Variants in RYR1 observed in about 807,000 individuals in gnomAD.
The protein encoded by RYR1 is central core disease of muscle.
RYR1 carries 342 observed loss-of-function variants against 583.5 expected under a neutral mutation model. The ratio of observed to expected loss-of-function variants is 0.59; its 90% CI spans 0.54 to 0.64. The LOEUF is 0.64. RYR1 is among the 30% of genes least tolerant of loss of function. The probability of loss-of-function intolerance (pLI) is 0.00; values close to 1 mark genes in which losing one functional copy is unlikely to be tolerated. For synonymous variants in RYR1, 2,791 were observed against 2,822.5 expected, an observed-to-expected ratio of 0.99 and a Z score of 0.35; for missense variants, 6,032 against 6,917.2, an observed-to-expected ratio of 0.87 and a Z score of 4.54.
rs1568513112 is a variant in RYR1 at position 38,506,310 on chromosome 19, A to G, written c.8549A>G (p.Asp2850Gly). Residue 2850 changes from aspartate to glycine, a missense_variant, in exon 55 of 106, where the codon GAT becomes GGT. By Grantham distance (94) the Asp-to-Gly change is moderately conservative. This residue lies in a region of RYR1 where 1,493 missense variants were observed against 1,715.5 expected (regional missense o/e 0.87). Transcript: ENST00000359596. ...RKISQSAQTYDPREGYNPQPP... is the reference protein window; with the variant it reads ...RKISQSAQTYGPREGYNPQPP... ...TTCCCCTTGTCCTCTCAGACCTATG[A>G]TCCTCGAGAAGGCTACAACCCTCAG... is the stretch of plus-strand genomic sequence containing the variant. 6.2e-7 allele frequency: 1 copy of G among 1,613,796 alleles called. No individual in the cohort carries two copies. Among genetic ancestry groups the G allele is most frequent in the African/African-American group, 1.3e-5 (1 of 74,886 alleles).
intron 34 of RYR1, among the ~76,000 whole-genome samples, chr19:38,487,864 G>A (rs978491618): frequency 6.6e-6 from 1 of 152,124 alleles, no homozygotes; most frequent in African/African-American, 2.4e-5. Context: ...GAACTCCTGG[G>A]CTCAAGCAAT....
chr19:38,570,162 AAAAT>A (rs1973649196), intron 93 of RYR1, among the ~76,000 whole-genome samples: 1 of 151,970 alleles, frequency 6.6e-6, no homozygotes, highest in Non-Finnish European at 1.5e-5. Context: ...CCTTGTCTCA[AAAAT>A]AAATAAATAG....
chr19:38,587,210 G>A lies in RYR1; in HGVS notation c.15022-115G>A, dbSNP rs184464191. On this transcript the variant is annotated intron_variant, in intron 105 of 105. Coordinates refer to ENST00000359596, the MANE Select transcript of RYR1 (RefSeq NM_000540.3). Reference sequence around the variant, plus strand: ...GAGGCTGTAGTGAGCTGTGATTGTCGCCACTGCACTCCAGCCTGGGCAACA... The same window carrying A: ...GAGGCTGTAGTGAGCTGTGATTGTCACCACTGCACTCCAGCCTGGGCAACA... The A allele has an allele frequency of 2.4e-4, 173 of 734,440 alleles. 1 individual carries two copies. In the East Asian group the frequency reaches 2.8e-3, roughly 12 times the overall value. The allele number at this position is 734,440 out of a possible 1,614,324, so 45.5% of individuals were successfully genotyped here.
chr19:38,567,085 C>T, intron 92 of RYR1, 98 bp downstream of exon 92: 1 of 1,534,514 alleles, frequency 6.5e-7, no homozygotes, highest in Non-Finnish European at 8.8e-7. Flanking sequence ...TCCTGGCCAC[C>T]CTGTGTCCTC....
Position 38,473,543 on chromosome 19 carries a change from C to T in RYR1, c.3932C>T (p.Pro1311Leu). Residue 1311 changes from proline to leucine, a missense_variant, in exon 28 of 106, where the codon CCT (proline) becomes CTT (leucine). By Grantham distance (98) the Pro-to-Leu change is moderately conservative. Coordinates refer to ENST00000359596, the MANE Select transcript of RYR1 (RefSeq NM_000540.3). ...ACTGCAGGGGCCACCCCGCTGGCAC[C>T]TCCTGGCCTGCAGCCCCCCGCCGAG... ...RCTAGATPLAPPGLQPPAEDE... is the reference protein window; with the variant it reads ...RCTAGATPLALPGLQPPAEDE... 6.2e-7 allele frequency: 1 copy of T among 1,606,590 alleles called. No individual in the cohort carries two copies. The highest frequency in any genetic ancestry group is 1.1e-5 in the South Asian group (1 of 90,342).
chr19:38,460,109 C>T (rs1967645349), intron 19 of RYR1, among the ~76,000 whole-genome samples: 1 of 152,228 alleles, frequency 6.6e-6, no homozygotes, highest in African/African-American at 2.4e-5. Flanking sequence ...TGTTCCATGA[C>T]CTTGCAGTCA....
chr19:38,544,974 T>A (rs1972359386), intron 87 of RYR1, among the ~76,000 whole-genome samples: 1 of 152,178 alleles, frequency 6.6e-6, no homozygotes, highest in African/African-American at 2.4e-5. Flanking sequence ...GCAAGCAGGC[T>A]GTCTCCCTGG....
chr19:38,515,244 C>T, intron 64 of RYR1, 137 bp downstream of exon 64: 1 of 744,146 alleles, frequency 1.3e-6, no homozygotes, highest in Non-Finnish European at 2.3e-6. Flanking sequence ...CGCGGTTCCC[C>T]ACGGCGGCCG....
intron 89 of RYR1, among the ~76,000 whole-genome samples, chr19:38,549,875 T>TTGTGTGTGTGTGTGTGTG (rs150566334): frequency 8.2e-6 from 1 of 122,188 alleles, no homozygotes; most frequent in Non-Finnish European, 1.7e-5. Flanking sequence ...CCAGCTAAAT[T>TTGTGTGTGTGTGTGTGTG]TGTGTGTGTG....
At position 38,561,389 on chromosome 19, in the gene RYR1, C is replaced by T. The variant is rs761486041; in HGVS notation, c.12559C>T (p.Arg4187Cys). ...CCGCATCGAGATCATGGGCGCGTCA[C>T]GCCGCATCGAGCGCATCTACTTCGA... The part of the protein sequence containing the change: ...LGRIEIMGAS[R>C]RIERIYFEIS... Residue 4187 changes from arginine (R) to cysteine (C), a missense_variant, in exon 90 of 106, where the codon CGC (arginine) becomes TGC (cysteine). Coordinates refer to ENST00000359596, the MANE Select transcript of RYR1 (RefSeq NM_000540.3). The surrounding 1 kb of genome is among the most constrained non-coding windows in gnomAD (Gnocchi z 4.8). 3.1e-6 allele frequency: 5 copies of T among 1,613,296 alleles called. No individual in the cohort carries two copies. The highest frequency in any genetic ancestry group is 1.1e-5 in the South Asian group (1 of 91,090).
intron 34 of RYR1, among the ~76,000 whole-genome samples, chr19:38,486,646 CCA>C (rs1186699132): frequency 1.3e-5 from 2 of 152,158 alleles, no homozygotes; most frequent in Non-Finnish European, 2.9e-5. Context: ...CGGCCTCCAT[CCA>C]CCTTTCTATG....
At chr19:38,556,717 G>A (rs1972893790) in intron 89 of RYR1, among the ~76,000 whole-genome samples, 1 of 151,974 alleles carries the variant, frequency 6.6e-6, no homozygotes, top group Admixed American at 6.6e-5. Context: ...TGATTAGCTC[G>A]ACATTTTTCA....
At chr19:38,462,153 T>A (rs1568456601) in intron 20 of RYR1, among the ~76,000 whole-genome samples, 1 of 152,214 alleles carries the variant, frequency 6.6e-6, no homozygotes, top group Non-Finnish European at 1.5e-5. Context: ...CAGCAAAGGT[T>A]TGGTTTTCAG....
intron 54 of RYR1, 30 bp downstream of exon 54, chr19:38,505,976 G>A: frequency 6.2e-7 from 1 of 1,608,936 alleles, no homozygotes; most frequent in South Asian, 1.1e-5. Context: ...GGAGGGCAGG[G>A]GCACGATGGG....
rs146514343 is a variant in RYR1 at position 38,505,380 on chromosome 19, C to A, written c.8382C>A (p.Tyr2794Ter). Reference sequence around the variant, plus strand: ...AGACCCACCCCATGCTGAGGCCCTACAAGACCTTTTCAGAGAAGGTGACCA... The same window carrying A: ...AGACCCACCCCATGCTGAGGCCCTAAAAGACCTTTTCAGAGAAGGTGACCA... ...ELKTHPMLRP[Y>*]KTFSEKDKEI... Residue 2794 changes from tyrosine (Y) to a stop codon, truncating the protein, a stop_gained, in exon 53 of 106, where the codon TAC (tyrosine) becomes TAA (stop). Coordinates refer to ENST00000359596, the MANE Select transcript of RYR1 (RefSeq NM_000540.3). LOFTEE classifies it high-confidence loss of function. 6.2e-7 allele frequency: 1 copy of A among 1,610,604 alleles called. No individual in the cohort carries two copies. Among genetic ancestry groups the A allele is most frequent in the Admixed American group, 1.7e-5 (1 of 59,692 alleles).
rs544838621 is a variant in RYR1 at position 38,563,643 on chromosome 19, C to T, written c.12625-1316C>T. ...TTAACTCATTTAACCCTCACACCAACCCTATAATGTAGGTCCTATTATGCC... is the reference window on the plus strand; with the variant it reads ...TTAACTCATTTAACCCTCACACCAATCCTATAATGTAGGTCCTATTATGCC... On this transcript the variant is annotated intron_variant, in intron 90 of 105. Transcript: ENST00000359596. 2.6e-5 allele frequency among the ~76,000 whole-genome samples: 4 copies of T among 152,326 alleles called. No individual in the cohort carries two copies. In the East Asian group the frequency reaches 7.7e-4, roughly 29 times the overall value.
In RYR1 at chr19:38,553,104, A is replaced by G. The variant is rs1181497851; in HGVS notation, c.12282+4684A>G. On this transcript the variant is annotated intron_variant, in intron 89 of 105. Coordinates refer to ENST00000359596, the MANE Select transcript of RYR1 (RefSeq NM_000540.3). ...TCTCAACACTTTGGGAGGCCAAGGCAGGCAGATCACTTGAGGTCAGAAGTT... is the reference window on the plus strand; with the variant it reads ...TCTCAACACTTTGGGAGGCCAAGGCGGGCAGATCACTTGAGGTCAGAAGTT... Among the ~76,000 whole-genome samples, 4 of 152,142 alleles carry G rather than the reference A, an allele frequency of 2.6e-5. No homozygotes were observed. In the East Asian group the frequency reaches 7.7e-4, roughly 29 times the overall value.
chr19:38,525,293 T>G lies in RYR1; in HGVS notation c.10456-39T>G, dbSNP rs561834367. The G allele has an allele frequency of 1.5e-5, 24 of 1,612,718 alleles. No homozygotes were observed. The Admixed American group carries it at 4.0e-4, about 27-fold the overall frequency. On this transcript the variant is annotated intron_variant, in intron 70 of 105. Transcript: ENST00000359596. ...CGCGGGTTGGGGCTGAGGCATGGGA[T>G]TGGGGCTTGGGCTGGTGCTGAGCCC...
chr19:38,573,384 A>G (rs1303800030), intron 96 of RYR1, 77 bp downstream of exon 96: 1 of 1,557,862 alleles, frequency 6.4e-7, no homozygotes, highest in Non-Finnish European at 8.7e-7. Context: ...CTGGACCCCA[A>G]AAAACTAGGG....
Sources: allele counts gnomAD v4.1 joint callset (sites outside exome capture counted in the v4.1 genomes callset), GRCh38; gene constraint gnomAD v4.1.1; regional missense constraint gnomAD v4.1.1; non-coding constraint Gnocchi (gnomAD v3.1); transcripts MANE v1.5; gene names NCBI Gene and HGNC (gene_info 2026-07-23, HGNC 2026-07-21).